MNAT1: variants seen among roughly 807,000 people sequenced by gnomAD.
The protein encoded by MNAT1 is MNAT1 component of CDK activating kinase.
A neutral mutation model predicts 42.0 loss-of-function variants in MNAT1; 43 were observed. That is an observed-to-expected ratio of 1.02 (90% CI 0.80 to 1.32). The LOEUF (loss-of-function observed/expected upper bound fraction) is 1.32. MNAT1 is among the 40% of genes most tolerant of loss of function. The probability of loss-of-function intolerance (pLI) is 0.00; values close to 1 mark genes in which losing one functional copy is unlikely to be tolerated. For synonymous variants in MNAT1, 118 were observed against 120.0 expected, an observed-to-expected ratio of 0.98 and a Z score of 0.11; for missense variants, 306 against 350.4, an observed-to-expected ratio of 0.87 and a Z score of 1.01.
chr14:60,958,699 C>T (rs147302883), intron 7 of MNAT1, among the ~76,000 whole-genome samples: 3,473 of 137,556 alleles, frequency 0.025, 130 homozygotes, highest in African/African-American at 0.085. Context: ...TGCAGTGGCG[C>T]GATCTTGGCT....
intron 6 of MNAT1, among the ~76,000 whole-genome samples, chr14:60,858,794 G>C (rs2034025207): frequency 6.6e-6 from 1 of 152,126 alleles, no homozygotes. Flanking sequence ...TTTGCTGAAG[G>C]TTCAAATGGT....
intron 6 of MNAT1, among the ~76,000 whole-genome samples, chr14:60,831,316 T>A (rs147894055): frequency 1.3e-5 from 2 of 152,246 alleles, no homozygotes; most frequent in African/African-American, 4.8e-5. Context: ...CTTCTAATGC[T>A]ATCCCTCCCC....
At position 60,906,085 on chromosome 14, in the gene MNAT1, A is replaced by G. The variant is rs4151340; in HGVS notation, c.809+26250A>G. Reference sequence around the variant, plus strand: ...TTTTAGCAAATACCTGAATTAGCAAAGAAATGAGTCATTTGATATCCTTGG... The same window carrying G: ...TTTTAGCAAATACCTGAATTAGCAAGGAAATGAGTCATTTGATATCCTTGG... On this transcript the variant is annotated intron_variant, in intron 7 of 7. Coordinates refer to ENST00000261245, the MANE Select transcript of MNAT1 (RefSeq NM_002431.4). Among the ~76,000 whole-genome samples, 254 of 152,328 alleles carry G rather than the reference A, an allele frequency of 1.7e-3. No homozygotes were observed. In the East Asian group the frequency reaches 0.028, roughly 17 times the overall value.
intron 1 of MNAT1, chr14:60,779,999 GA>G: frequency 6.4e-7 from 1 of 1,565,458 alleles, no homozygotes; most frequent in Non-Finnish European, 8.8e-7. Context: ...GCTCTCCCGG[GA>G]GCAGGGAATC....
intron 7 of MNAT1, among the ~76,000 whole-genome samples, chr14:60,936,182 C>T (rs950198319): frequency 5.9e-5 from 9 of 152,120 alleles, no homozygotes; most frequent in Non-Finnish European, 1.2e-4. Context: ...GATGTAAACA[C>T]TTGTGGGGCT....
chr14:60,789,026 T>C (rs375387624), intron 1 of MNAT1, among the ~76,000 whole-genome samples: 14 of 152,328 alleles, frequency 9.2e-5, no homozygotes, highest in Admixed American at 5.2e-4. Context: ...TTGGGCTATC[T>C]CAGCTTATGA....
intron 1 of MNAT1, among the ~76,000 whole-genome samples, chr14:60,795,253 A>T (rs2031975678): frequency 6.6e-6 from 1 of 152,162 alleles, no homozygotes; most frequent in African/African-American, 2.4e-5. Flanking sequence ...CAAGACTCAG[A>T]GGCTAAAGGA....
At position 60,969,849 on chromosome 14, in the gene MNAT1, A is replaced by C. The variant is rs2036749801; in HGVS notation, c.*1500A>C. 6.6e-6 allele frequency: 1 copy of C among 152,216 alleles called. No individual in the cohort carries two copies. The highest frequency in any genetic ancestry group is 2.1e-4 in the South Asian group (1 of 4,834). 9.4% of individuals were successfully genotyped at this position (152,216 alleles called of 1,614,324 possible). ...TTATAAATGTATTTTAAAAAGAATG[A>C]ACTAATTAATAAAACATATCAAAGG... On this transcript the variant is annotated 3_prime_UTR_variant, in exon 8 of 8. Coordinates refer to ENST00000261245, the MANE Select transcript of MNAT1 (RefSeq NM_002431.4).
intron 7 of MNAT1, among the ~76,000 whole-genome samples, chr14:60,953,115 G>T (rs2036414790): frequency 6.6e-6 from 1 of 151,916 alleles, no homozygotes; most frequent in Non-Finnish European, 1.5e-5. Context: ...GGAAGGAGAG[G>T]CAGTGAGAGT....
At position 60,815,345 on chromosome 14, in the gene MNAT1, G is replaced by A. The variant is rs2139358613; in HGVS notation, c.561+3218G>A. Among the ~76,000 whole-genome samples the A allele has an allele frequency of 2.0e-5, 3 of 151,972 alleles. No homozygotes were observed. In the South Asian group the frequency reaches 6.2e-4, roughly 32 times the overall value. ...ATTCTTTGCCTTAGCCTCCCGAGTA[G>A]CTAGGATTACAGGTGCCTGCCACCA... On this transcript the variant is annotated intron_variant, in intron 5 of 7. Coordinates refer to ENST00000261245, the MANE Select transcript of MNAT1 (RefSeq NM_002431.4).
chr14:60,848,305 T>G (rs8022875), intron 6 of MNAT1, among the ~76,000 whole-genome samples: 1 of 152,122 alleles, frequency 6.6e-6, no homozygotes. Context: ...GTGTGATAAG[T>G]ATTTTCTCTT....
At chr14:60,798,785 TA>T in intron 3 of MNAT1, among the ~76,000 whole-genome samples, 1 of 152,290 alleles carries the variant, frequency 6.6e-6, no homozygotes, top group Non-Finnish European at 1.5e-5. Context: ...TATGTTGATT[TA>T]AAAAATAATG....
intron 7 of MNAT1, among the ~76,000 whole-genome samples, chr14:60,916,010 G>A (rs1280526663): frequency 6.6e-6 from 1 of 152,184 alleles, no homozygotes. Context: ...GTCAACAGCA[G>A]GAGGGTATTT....
intron 1 of MNAT1, chr14:60,780,552 A>G: frequency 2.0e-6 from 3 of 1,534,168 alleles, no homozygotes; most frequent in African/African-American, 1.4e-5. Context: ...ACAATCCACA[A>G]AGTAAATAGC....
chr14:60,770,206 T>C (rs2030999565), intron 1 of MNAT1, among the ~76,000 whole-genome samples: 1 of 152,226 alleles, frequency 6.6e-6, no homozygotes, highest in South Asian at 2.1e-4. Flanking sequence ...TGTGACTGCC[T>C]TATTCACTTT....
intron 1 of MNAT1, chr14:60,780,036 T>C: frequency 6.5e-7 from 1 of 1,534,328 alleles, no homozygotes; most frequent in South Asian, 1.1e-5. Flanking sequence ...GCCGAAATCG[T>C]GGACGAGTTC....
intron 1 of MNAT1, among the ~76,000 whole-genome samples, chr14:60,750,697 G>C (rs901879437): frequency 6.6e-6 from 1 of 152,148 alleles, no homozygotes; most frequent in Non-Finnish European, 1.5e-5. Flanking sequence ...CTTGCAGCCT[G>C]ATTTTAGCTG....
chr14:60,787,398 C>T (rs559429626), intron 1 of MNAT1, among the ~76,000 whole-genome samples: 4 of 152,228 alleles, frequency 2.6e-5, no homozygotes, highest in South Asian at 2.1e-4. Context: ...TCTGAGCCTT[C>T]GAAAGTGACT....
chr14:60,948,436 A>G (rs1171599769), intron 7 of MNAT1, among the ~76,000 whole-genome samples: 1 of 152,126 alleles, frequency 6.6e-6, no homozygotes, highest in African/African-American at 2.4e-5. Flanking sequence ...CAAACAAAAA[A>G]AGATATTCGA....
Sources: gnomAD v4.1 joint callset for allele counts (sites outside exome capture counted in the v4.1 genomes callset) on GRCh38, gnomAD v4.1.1 for gene constraint, MANE v1.5 for transcripts, NCBI Gene and HGNC (gene_info 2026-07-23, HGNC 2026-07-21) for gene names.